The following AAGAB variants were observed in gnomAD, a reference collection of about 807,000 sequenced individuals.
AAGAB encodes alpha and gamma adaptin binding protein.
A neutral mutation model predicts 44.1 loss-of-function variants in AAGAB; 38 were observed. That is an observed-to-expected ratio of 0.86 (90% CI 0.67 to 1.13). The LOEUF is 1.13. Ranked by LOEUF, AAGAB falls within the 50% of genes most tolerant of loss-of-function variation. The probability of loss-of-function intolerance (pLI) is 0.00; values close to 1 mark genes in which losing one functional copy is unlikely to be tolerated. For missense variants in AAGAB, 450 were observed against 373.8 expected (o/e 1.20, Z -1.68); for synonymous variants, 131 against 131.8 (o/e 0.99, Z 0.04).
At chr15:67,218,671 G>A (rs1964004438) in intron 5 of AAGAB, among the ~76,000 whole-genome samples, 1 of 152,174 alleles carries the variant, frequency 6.6e-6, no homozygotes, top group Non-Finnish European at 1.5e-5. Context: ...TGTGGCAGGA[G>A]CAATCAACTT....
chr15:67,211,625 T>C (rs1490395862), intron 5 of AAGAB, among the ~76,000 whole-genome samples: 1 of 152,238 alleles, frequency 6.6e-6, no homozygotes, highest in Non-Finnish European at 1.5e-5. Flanking sequence ...TTAAGCTATT[T>C]GTACAAAAGG....
chr15:67,204,053 C>T lies in AAGAB; in HGVS notation c.811G>A (p.Glu271Lys). Residue 271 changes from glutamate (E) to lysine (K), a missense_variant, in exon 8 of 10, where the codon GAA (glutamate) becomes AAA (lysine). Glu to Lys is a moderately conservative substitution (Grantham distance 56). Coordinates refer to ENST00000261880, the MANE Select transcript of AAGAB (RefSeq NM_024666.5). ...NFERLFSKLK[E>K]MKDKAATLPH... Reference sequence around the variant, plus strand: ...CAATGGATCTGATTACCTTTCATTTCCTTTAACTTTGAAAAGAGTCTTTCA... The same window carrying T: ...CAATGGATCTGATTACCTTTCATTTTCTTTAACTTTGAAAAGAGTCTTTCA... 1 of 1,596,676 alleles carries T rather than the reference C, an allele frequency of 6.3e-7. No homozygotes were observed.
At chr15:67,248,255 TCC>T (rs1487758098) in intron 1 of AAGAB, among the ~76,000 whole-genome samples, 2 of 152,140 alleles carry the variant, frequency 1.3e-5, no homozygotes, top group Admixed American at 1.3e-4. Flanking sequence ...AACAATCAGT[TCC>T]CTCACCCCAG....
intron 1 of AAGAB, among the ~76,000 whole-genome samples, chr15:67,241,040 T>TACACACACACAC (rs10525823): frequency 0.067 from 9,878 of 147,038 alleles, 385 homozygotes; most frequent in Middle Eastern, 0.16. Context: ...TCTGTTCTCC[T>TACACACACACAC]ACACACACAC....
At chr15:67,227,701 G>C (rs987798321) in intron 5 of AAGAB, among the ~76,000 whole-genome samples, 5 of 152,128 alleles carry the variant, frequency 3.3e-5, no homozygotes, top group African/African-American at 9.7e-5. Context: ...AACAGCATAG[G>C]AGGTAGGTTA....
At chr15:67,219,996 T>A (rs1018073622) in intron 5 of AAGAB, among the ~76,000 whole-genome samples, 3 of 152,124 alleles carry the variant, frequency 2.0e-5, no homozygotes, top group Non-Finnish European at 4.4e-5. Context: ...CAAATAAGAA[T>A]TAAAATTCAA....
At chr15:67,225,485 G>A (rs1339427936) in intron 5 of AAGAB, among the ~76,000 whole-genome samples, 1 of 152,024 alleles carries the variant, frequency 6.6e-6, no homozygotes, top group African/African-American at 2.4e-5. Flanking sequence ...ACAAAGTTGT[G>A]CAACCATCAT....
At chr15:67,231,678 T>G in intron 5 of AAGAB, 136 bp downstream of exon 5, 1 of 690,116 alleles carries the variant, frequency 1.4e-6, no homozygotes, top group East Asian at 2.7e-5. Context: ...CTTTTGGCGC[T>G]TCCTTCAATC....
intron 5 of AAGAB, among the ~76,000 whole-genome samples, chr15:67,229,116 C>T (rs1964272192): frequency 6.6e-6 from 1 of 152,100 alleles, no homozygotes; most frequent in Non-Finnish European, 1.5e-5. Flanking sequence ...AACAAACCTG[C>T]ACGTGTGCTC....
chr15:67,205,828 G>C (rs557572472), intron 7 of AAGAB, among the ~76,000 whole-genome samples: 1 of 152,066 alleles, frequency 6.6e-6, no homozygotes, highest in South Asian at 2.1e-4. Flanking sequence ...TAAGGAGGAA[G>C]ATGTGGAAAT....
Position 67,254,616 on chromosome 15 carries a change from G to A in AAGAB, c.16C>T (p.Pro6Ser), listed in dbSNP as rs756813133. ...GAGCAGCTGGTGACTAACGCACAGG[G>A]TACGCCAGCAGCCATAGCTGCGCTC... MAAGV[P>S]CALVTSCSSV... Residue 6 changes from proline (P) to serine (S), a missense_variant, in exon 1 of 10, where the codon CCC (proline) becomes TCC (serine). By Grantham distance (74) the Pro-to-Ser change is moderately conservative. Transcript: ENST00000261880. 1 of 1,605,870 alleles carries A rather than the reference G, an allele frequency of 6.2e-7. No homozygotes were observed. The highest frequency in any genetic ancestry group is 8.5e-7 in the Non-Finnish European group (1 of 1,177,946).
At chr15:67,243,991 A>T (rs1337074230) in intron 1 of AAGAB, among the ~76,000 whole-genome samples, 1 of 152,242 alleles carries the variant, frequency 6.6e-6, no homozygotes, top group Non-Finnish European at 1.5e-5. Context: ...CGAGATAAAA[A>T]TAATTTTCAT....
At position 67,254,651 on chromosome 15, in the gene AAGAB, T is replaced by G; in HGVS notation, c.-20A>C. ...AGCCATAGCTGCGCTCGCGAGCCGG[T>G]TCCGTCAGGCAGCCGCTTCCGCCTT... On this transcript the variant is annotated 5_prime_UTR_variant, in exon 1 of 10. Coordinates refer to ENST00000261880, the MANE Select transcript of AAGAB (RefSeq NM_024666.5). 2 of 1,599,770 alleles carry G rather than the reference T, an allele frequency of 1.3e-6. No individual in the cohort carries two copies. Among genetic ancestry groups the G allele is most frequent in the Non-Finnish European group, 1.7e-6 (2 of 1,174,860 alleles).
intron 5 of AAGAB, among the ~76,000 whole-genome samples, chr15:67,228,101 A>G (rs1017393609): frequency 6.6e-6 from 1 of 152,242 alleles, no homozygotes; most frequent in Non-Finnish European, 1.5e-5. Context: ...CCACACTTCC[A>G]AAGTAATAAA....
At chr15:67,239,220 G>A (rs924265552) in intron 1 of AAGAB, among the ~76,000 whole-genome samples, 46 of 151,988 alleles carry the variant, frequency 3.0e-4, no homozygotes, top group African/African-American at 1.0e-3. Flanking sequence ...TTTGCTCCTC[G>A]ACATGAGAAA....
chr15:67,212,583 C>T (rs1963849796), intron 5 of AAGAB, among the ~76,000 whole-genome samples: 5 of 152,054 alleles, frequency 3.3e-5, no homozygotes. Flanking sequence ...AGGACTTTTG[C>T]TCATATTATA....
intron 1 of AAGAB, among the ~76,000 whole-genome samples, chr15:67,245,352 C>T (rs1033909568): frequency 2.0e-5 from 3 of 152,170 alleles, no homozygotes; most frequent in Non-Finnish European, 4.4e-5. Context: ...ACTTCAAAAA[C>T]ATTATGCTAC....
chr15:67,213,795 G>T (rs1245810463), intron 5 of AAGAB, among the ~76,000 whole-genome samples: 1 of 152,154 alleles, frequency 6.6e-6, no homozygotes, highest in Admixed American at 6.5e-5. Context: ...TTTACTAAGT[G>T]CTAAATATGT....
intron 1 of AAGAB, among the ~76,000 whole-genome samples, chr15:67,238,306 AC>A (rs1964516925): frequency 6.6e-6 from 1 of 152,162 alleles, no homozygotes; most frequent in South Asian, 2.1e-4. Context: ...CTTAATTTCT[AC>A]CCGAAGTCAT....
Sources: gnomAD v4.1 joint callset for allele counts (sites outside exome capture counted in the v4.1 genomes callset) on GRCh38, gnomAD v4.1.1 for gene constraint, MANE v1.5 for transcripts, NCBI Gene and HGNC (gene_info 2026-07-23, HGNC 2026-07-21) for gene names.